ATPSCKMT: variants seen among roughly 807,000 people sequenced by gnomAD.
The protein encoded by ATPSCKMT is ATP synthase c subunit lysine N-methyltransferase, also known as ATP synthase subunit C lysine N-methyltransferase.
ATPSCKMT carries 24 observed loss-of-function variants against 24.3 expected under a neutral mutation model. The ratio of observed to expected loss-of-function variants is 0.99; its 90% confidence interval spans 0.71 to 1.39. ATPSCKMT has a LOEUF of 1.39. ATPSCKMT is among the 40% of genes most tolerant of loss of function. The pLI is 0.00. For missense variants in ATPSCKMT, 311 were observed against 298.4 expected, an observed-to-expected ratio of 1.04 and a Z score of -0.31; for synonymous variants, 95 against 110.5, an observed-to-expected ratio of 0.86 and a Z score of 0.88.
chr5:10,239,333 C>CT lies in ATPSCKMT; in HGVS notation c.39dup (p.Glu14ArgfsTer14), dbSNP rs764585825. On this transcript the variant is annotated frameshift_variant, in exon 2 of 5. Coordinates refer to ENST00000511437, the MANE Select transcript of ATPSCKMT (RefSeq NM_199133.4). LOFTEE classifies it high-confidence loss of function. Reference sequence around the variant, plus strand: ...AGAACATGTCTTGACTGACTTTCTTCTTTAAGTGTTTCTAGGGGTATACCT... The same window carrying CT: ...AGAACATGTCTTGACTGACTTTCTTCTTTTAAGTGTTTCTAGGGGTATACCT... The CT allele has an allele frequency of 7.4e-6, 12 of 1,613,954 alleles. No individual in the cohort carries two copies. Among genetic ancestry groups the CT allele is most frequent in the Non-Finnish European group, 1.0e-5 (12 of 1,179,936 alleles).
At chr5:10,246,989 G>T (rs1222339954) in intron 1 of ATPSCKMT, among the ~76,000 whole-genome samples, 1 of 152,226 alleles carries the variant, frequency 6.6e-6, no homozygotes, top group Admixed American at 6.5e-5. Context: ...GGTGTGGAAG[G>T]CAGGGAAAGC....
intron 1 of ATPSCKMT, among the ~76,000 whole-genome samples, chr5:10,240,583 G>A (rs908319067): frequency 1.3e-5 from 2 of 152,140 alleles, no homozygotes; most frequent in Non-Finnish European, 2.9e-5. Context: ...GGGGGTCACA[G>A]GGATATTGTG....
intron 1 of ATPSCKMT, among the ~76,000 whole-genome samples, chr5:10,245,280 C>T (rs2126466182): frequency 6.6e-6 from 1 of 151,804 alleles, no homozygotes; most frequent in Middle Eastern, 3.4e-3. Context: ...ATTAGCCGGG[C>T]ATGGTGGTGG....
chr5:10,238,448 A>G (rs1359721776), intron 2 of ATPSCKMT, among the ~76,000 whole-genome samples: 1 of 152,126 alleles, frequency 6.6e-6, no homozygotes, highest in Admixed American at 6.5e-5. Flanking sequence ...AGCCTTTCCC[A>G]CTGCTGCTGG....
At chr5:10,239,701 A>T (rs890512764) in intron 1 of ATPSCKMT, among the ~76,000 whole-genome samples, 1 of 152,228 alleles carries the variant, frequency 6.6e-6, no homozygotes, top group East Asian at 1.9e-4. Context: ...CATGCACTAC[A>T]TATTTTTATG....
chr5:10,242,688 A>G (rs1009309722), intron 1 of ATPSCKMT, among the ~76,000 whole-genome samples: 1 of 152,236 alleles, frequency 6.6e-6, no homozygotes, highest in Non-Finnish European at 1.5e-5. Context: ...CCATCAGTGT[A>G]ATCACTATCT....
chr5:10,230,269 TA>T (rs987192292), intron 4 of ATPSCKMT, among the ~76,000 whole-genome samples: 15 of 148,556 alleles, frequency 1.0e-4, no homozygotes, highest in South Asian at 2.1e-4. Context: ...CAGTATAGAT[TA>T]AAAAAAAAAA....
intron 4 of ATPSCKMT, 69 bp downstream of exon 4, chr5:10,235,142 G>A (rs369605413): frequency 1.1e-5 from 15 of 1,414,216 alleles, no homozygotes; most frequent in Admixed American, 5.1e-5. Context: ...GGTGAGTGGT[G>A]GTGTTGTGGC....
intron 2 of ATPSCKMT, among the ~76,000 whole-genome samples, chr5:10,238,029 G>C (rs1744452948): frequency 6.6e-6 from 1 of 152,232 alleles, no homozygotes; most frequent in Non-Finnish European, 1.5e-5. Context: ...ACAGGCATGA[G>C]CCACCACACC....
At chr5:10,240,038 A>G (rs1744557464) in intron 1 of ATPSCKMT, among the ~76,000 whole-genome samples, 1 of 150,446 alleles carries the variant, frequency 6.6e-6, no homozygotes, top group Admixed American at 6.7e-5. Context: ...CATCCTGGCT[A>G]ACATGGTGAA....
chr5:10,248,117 T>G (rs1223727733), intron 1 of ATPSCKMT, among the ~76,000 whole-genome samples: 5 of 152,244 alleles, frequency 3.3e-5, no homozygotes, highest in African/African-American at 9.6e-5. Context: ...ATGTCACAAC[T>G]CATAAGGACT....
Position 10,226,149 on chromosome 5 carries a change from T to C in ATPSCKMT, c.*1292A>G, listed in dbSNP as rs1478156831. 6.6e-6 allele frequency among the ~76,000 whole-genome samples: 1 copy of C among 152,200 alleles called. No homozygotes were observed. Among genetic ancestry groups the C allele is most frequent in the Non-Finnish European group, 1.5e-5 (1 of 68,042 alleles). On this transcript the variant is annotated 3_prime_UTR_variant, in exon 5 of 5. Transcript: ENST00000511437. ...TCAGAGAACTCCACACACACTAAGATTCCCTTGCTTATTTGTTTGTCTCTC... is the reference window on the plus strand; with the variant it reads ...TCAGAGAACTCCACACACACTAAGACTCCCTTGCTTATTTGTTTGTCTCTC...
intron 1 of ATPSCKMT, among the ~76,000 whole-genome samples, chr5:10,243,177 T>C (rs565204160): frequency 2.0e-5 from 3 of 152,324 alleles, no homozygotes; most frequent in East Asian, 1.9e-4. Context: ...CAATAGAAGG[T>C]TGTTTCATCC....
intron 4 of ATPSCKMT, 54 bp downstream of exon 4, chr5:10,235,157 A>C (rs1439863615): frequency 3.2e-6 from 5 of 1,550,920 alleles, no homozygotes; most frequent in Non-Finnish European, 4.4e-6. Context: ...TGTGGCTGGA[A>C]GGGCCTTCAA....
chr5:10,230,037 C>T lies in ATPSCKMT; in HGVS notation c.496-2390G>A, dbSNP rs1199623447. ...AGAAGTGATATTTAGAAAACAAGAT[C>T]TAAGCAAAAATTATTCCTCTAAAAA... On this transcript the variant is annotated intron_variant, in intron 4 of 4. Coordinates refer to ENST00000511437, the MANE Select transcript of ATPSCKMT (RefSeq NM_199133.4). Among the ~76,000 whole-genome samples, 8 of 152,314 alleles carry T rather than the reference C, an allele frequency of 5.3e-5. No homozygotes were observed. The East Asian group carries it at 1.5e-3, about 29-fold the overall frequency.
In ATPSCKMT at chr5:10,249,135, GT is replaced by G. The variant is rs994873701; in HGVS notation, c.16+722del. Reference sequence around the variant, plus strand: ...AATACAAAAATTAGCGAGCGTGGTGGTTCTGTGCCTGTAGTCCCAGCTGCCT... The same window carrying G: ...AATACAAAAATTAGCGAGCGTGGTGGTCTGTGCCTGTAGTCCCAGCTGCCT... On this transcript the variant is annotated intron_variant, in intron 1 of 4. Coordinates refer to ENST00000511437, the MANE Select transcript of ATPSCKMT (RefSeq NM_199133.4). Among the ~76,000 whole-genome samples, 74 of 152,122 alleles carry G rather than the reference GT, an allele frequency of 4.9e-4. 1 individual carries two copies. The highest frequency in any genetic ancestry group is 1.7e-3 in the African/African-American group (72 of 41,494).
chr5:10,246,601 T>C (rs1744942484), intron 1 of ATPSCKMT, among the ~76,000 whole-genome samples: 1 of 152,394 alleles, frequency 6.6e-6, no homozygotes, highest in Non-Finnish European at 1.5e-5. Flanking sequence ...TTATTTCTTT[T>C]TATGGCTTAA....
intron 1 of ATPSCKMT, among the ~76,000 whole-genome samples, chr5:10,241,409 T>G (rs1744641255): frequency 1.3e-5 from 2 of 152,254 alleles, no homozygotes; most frequent in South Asian, 4.2e-4. Flanking sequence ...CAGTACAAAT[T>G]TGAACCCAAG....
intron 4 of ATPSCKMT, among the ~76,000 whole-genome samples, chr5:10,231,148 A>T (rs1430308548): frequency 6.6e-6 from 1 of 152,082 alleles, no homozygotes; most frequent in African/African-American, 2.4e-5. Flanking sequence ...AAGGTGCTAG[A>T]CACAAGCTTC....
Sources: allele counts gnomAD v4.1 joint callset (sites outside exome capture counted in the v4.1 genomes callset), GRCh38; gene constraint gnomAD v4.1.1; transcripts MANE v1.5; gene names NCBI Gene and HGNC (gene_info 2026-07-23, HGNC 2026-07-21).